The following USP37 variants were observed in gnomAD, a reference collection of about 807,000 sequenced individuals.
The protein encoded by USP37 is ubiquitin carboxyl-terminal hydrolase 37.
USP37 carries 27 observed loss-of-function variants against 124.0 expected under a neutral mutation model. The ratio of observed to expected loss-of-function variants is 0.22; its 90% CI spans 0.16 to 0.30. The LOEUF is 0.30. Ranked by LOEUF, USP37 falls within the 10% of genes least tolerant of loss-of-function variation. USP37 has a pLI of 1.00. For synonymous variants in USP37, 365 were observed against 388.0 expected (o/e 0.94, Z 0.70); for missense variants, 889 against 1,140.4 (o/e 0.78, Z 3.17).
chr2:218,551,734 A>G (rs1056267682), intron 5 of USP37, among the ~76,000 whole-genome samples: 20 of 152,226 alleles, frequency 1.3e-4, no homozygotes, highest in African/African-American at 3.6e-4. Context: ...TAAAACTAAA[A>G]CAGAGATATA....
At chr2:218,466,324 C>T (rs1267535035) in intron 20 of USP37, 148 bp from the exon 21 acceptor site, 9 of 915,956 alleles carry the variant, frequency 9.8e-6, no homozygotes, top group African/African-American at 1.7e-5. Flanking sequence ...ACTAGATCTA[C>T]GTCAGGGTTG....
chr2:218,486,851 G>A (rs1172502714), intron 15 of USP37, among the ~76,000 whole-genome samples: 6 of 151,672 alleles, frequency 4.0e-5, no homozygotes, highest in Admixed American at 6.6e-5. Flanking sequence ...TCAGCCTCCC[G>A]AGTAGCTGGG....
chr2:218,517,237 T>C (rs1690343408), intron 10 of USP37, among the ~76,000 whole-genome samples: 1 of 152,234 alleles, frequency 6.6e-6, no homozygotes, highest in South Asian at 2.1e-4. Flanking sequence ...TTCTGGTTTA[T>C]ATGTTATTGT....
chr2:218,530,044 T>C lies in USP37; in HGVS notation c.779-4A>G, dbSNP rs760231910. 13 of 1,592,544 alleles carry C rather than the reference T, an allele frequency of 8.2e-6. No homozygotes were observed. Among genetic ancestry groups the C allele is most frequent in the Non-Finnish European group, 1.1e-5 (13 of 1,174,134 alleles). On this transcript the variant is annotated splice_region_variant and splice_polypyrimidine_tract_variant and intron_variant, in intron 9 of 25. Coordinates refer to ENST00000258399, the MANE Select transcript of USP37 (RefSeq NM_020935.3). ...GATGACTGTAAAGGTAAAAGCCCTA[T>C]AAAACAAATGAACAAAGGAAAAACT...
At chr2:218,545,724 T>C (rs1032315830) in intron 8 of USP37, among the ~76,000 whole-genome samples, 11 of 151,900 alleles carry the variant, frequency 7.2e-5, no homozygotes, top group Admixed American at 2.6e-4. Context: ...TGATTACGAG[T>C]TGGCGAGCAC....
intron 21 of USP37, among the ~76,000 whole-genome samples, 164 bp from the exon 22 acceptor site, chr2:218,463,530 C>CTTTTTTTTTT (rs778154896): frequency 2.0e-5 from 2 of 99,098 alleles, no homozygotes; most frequent in Non-Finnish European, 3.9e-5. Flanking sequence ...AAGTTCTTTA[C>CTTTTTTTTTT]TTTTTTTTTT....
intron 23 of USP37, 105 bp from the exon 24 acceptor site, chr2:218,457,266 T>C: frequency 1.8e-6 from 2 of 1,104,534 alleles, no homozygotes; most frequent in Non-Finnish European, 1.3e-6. Context: ...CTTTGGTATG[T>C]GGCATAGTAA....
chr2:218,500,573 C>T (rs1689324402), intron 11 of USP37, among the ~76,000 whole-genome samples: 2 of 151,882 alleles, frequency 1.3e-5, no homozygotes, highest in South Asian at 4.2e-4. Context: ...ACGGCGTTTC[C>T]CCATGTTGGC....
At chr2:218,544,430 T>TAGAGAGAGAGAGAGAGAGAG (rs56690495) in intron 8 of USP37, among the ~76,000 whole-genome samples, 14 of 50,808 alleles carry the variant, frequency 2.8e-4, no homozygotes, top group East Asian at 1.7e-3. Flanking sequence ...TATATATATA[T>TAGAGAGAGAGAGAGAGAGAG]AGAGAGAGAG....
chr2:218,520,898 A>G (rs905088522), intron 10 of USP37, among the ~76,000 whole-genome samples: 2 of 152,198 alleles, frequency 1.3e-5, no homozygotes, highest in Non-Finnish European at 2.9e-5. Context: ...ATGTAAAATC[A>G]TAATACCCAA....
At chr2:218,463,213 C>T in intron 22 of USP37, 93 bp downstream of exon 22, 2 of 691,080 alleles carry the variant, frequency 2.9e-6, no homozygotes, top group Non-Finnish European at 2.4e-6. Context: ...CACACACACA[C>T]ACACACACAC....
At chr2:218,519,461 T>A (rs1400125462) in intron 10 of USP37, among the ~76,000 whole-genome samples, 1 of 152,182 alleles carries the variant, frequency 6.6e-6, no homozygotes, top group Non-Finnish European at 1.5e-5. Flanking sequence ...CTAGGCTCCC[T>A]ATATTGGTAG....
intron 13 of USP37, 151 bp from the exon 14 acceptor site, chr2:218,496,101 C>CTGA: frequency 3.0e-5 from 20 of 657,844 alleles, no homozygotes; most frequent in South Asian, 4.7e-5. Flanking sequence ...CGAGACCAGC[C>CTGA]CGGCCAACAT....
chr2:218,542,328 G>A (rs11901032), intron 8 of USP37, among the ~76,000 whole-genome samples: 4,215 of 152,300 alleles, frequency 0.028, 188 homozygotes, highest in African/African-American at 0.095. Flanking sequence ...GTAACCTAGT[G>A]TTTAACAGAC....
intron 11 of USP37, among the ~76,000 whole-genome samples, chr2:218,507,369 G>A (rs1343708369): frequency 6.6e-6 from 1 of 151,858 alleles, no homozygotes. Context: ...TGTTGGCCAG[G>A]CTAGTCTCGA....
In USP37 at chr2:218,476,017, C is replaced by T. The variant is rs571121621; in HGVS notation, c.2043+823G>A. Among the ~76,000 whole-genome samples, 3 of 151,800 alleles carry T rather than the reference C, an allele frequency of 2.0e-5. No individual in the cohort carries two copies. The South Asian group carries it at 6.2e-4, about 31-fold the overall frequency. On this transcript the variant is annotated intron_variant, in intron 19 of 25. Coordinates refer to ENST00000258399, the MANE Select transcript of USP37 (RefSeq NM_020935.3). ...ATTTCTCATTCAAGTTGAACAACCA[C>T]AAACTACCTCTGGCTTTAAAGTAAG...
At chr2:218,528,093 T>C (rs1019041128) in intron 10 of USP37, among the ~76,000 whole-genome samples, 1 of 151,986 alleles carries the variant, frequency 6.6e-6, no homozygotes, top group African/African-American at 2.4e-5. Flanking sequence ...TACCAGCTAC[T>C]TGGGAGGCTG....
chr2:218,547,232 G>A (rs1302512849), intron 6 of USP37, 141 bp from the exon 7 acceptor site: 59 of 873,148 alleles, frequency 6.8e-5, no homozygotes, highest in Non-Finnish European at 7.6e-5. Context: ...AGAAAGCGAA[G>A]GCGGGAGGAT....
chr2:218,459,018 T>C (rs1168744735), intron 23 of USP37, among the ~76,000 whole-genome samples: 1 of 151,470 alleles, frequency 6.6e-6, no homozygotes, highest in Non-Finnish European at 1.5e-5. Context: ...GTTAGGATGG[T>C]AGGATCCTGG....
Sources: allele counts gnomAD v4.1 joint callset (sites outside exome capture counted in the v4.1 genomes callset), GRCh38; gene constraint gnomAD v4.1.1; transcripts MANE v1.5; gene names NCBI Gene and HGNC (gene_info 2026-07-23, HGNC 2026-07-21).